Variants in SYNE1 observed in about 807,000 individuals in gnomAD.
The protein encoded by SYNE1 is spectrin repeat containing nuclear envelope protein 1.
SYNE1 carries 616 observed loss-of-function variants against 1,111.0 expected under a neutral mutation model. The observed-to-expected ratio is 0.55, with a 90% CI of 0.52 to 0.59. The LOEUF (loss-of-function observed/expected upper bound fraction) is 0.59. Among genes scored for constraint, SYNE1 ranks in the 20% least tolerant of loss-of-function variants. The pLI is 0.00. For missense variants in SYNE1, 10,006 were observed against 10,417.0 expected (o/e 0.96, Z 1.72); for synonymous variants, 3,855 against 3,825.8 (o/e 1.01, Z -0.28).
intron 39 of SYNE1, 87 bp from the exon 40 acceptor site, chr6:152,419,809 G>C: frequency 2.1e-6 from 3 of 1,423,180 alleles, no homozygotes; most frequent in Non-Finnish European, 2.0e-6. Context: ...GCTTACCCAA[G>C]GGCAAAAGCA....
chr6:152,221,131 G>A, intron 118 of SYNE1, 85 bp from the exon 119 acceptor site: 1 of 1,382,528 alleles, frequency 7.2e-7, no homozygotes, highest in Non-Finnish European at 1.0e-6. Flanking sequence ...CATGATCCTG[G>A]TTCATGTGAA....
intron 3 of SYNE1, among the ~76,000 whole-genome samples, chr6:152,605,035 AGGGAGGGAGGGAGG>A (rs1421624399): frequency 2.1e-4 from 6 of 28,130 alleles, no homozygotes; most frequent in South Asian, 2.5e-3. Flanking sequence ...AGAGAGAGAG[AGGGAGGGAGGGAGG>A]GAGGGAGGGA....
At chr6:152,561,824 C>T (rs2099396216) in intron 3 of SYNE1, among the ~76,000 whole-genome samples, 1 of 152,074 alleles carries the variant, frequency 6.6e-6, no homozygotes, top group Non-Finnish European at 1.5e-5. Context: ...ACTGTCCCTT[C>T]AGGAAATGGT....
At chr6:152,535,612 G>C (rs534057771) in intron 4 of SYNE1, among the ~76,000 whole-genome samples, 143 of 151,880 alleles carry the variant, frequency 9.4e-4, no homozygotes, top group Non-Finnish European at 1.8e-3. Flanking sequence ...TTGAATCAAG[G>C]GTGTTTAAAT....
chr6:152,315,626 T>C (rs961444169), intron 87 of SYNE1: 4 of 152,212 alleles, frequency 2.6e-5, no homozygotes, highest in African/African-American at 9.6e-5. Context: ...AGAAACAGTA[T>C]GAATGTGACA....
chr6:152,243,629 T>C (rs1588585793), intron 106 of SYNE1, among the ~76,000 whole-genome samples: 1 of 152,224 alleles, frequency 6.6e-6, no homozygotes, highest in Admixed American at 6.5e-5. Context: ...GGTGGGCTTA[T>C]GATATTATGA....
At chr6:152,346,730 A>G (rs1028027828) in intron 73 of SYNE1, among the ~76,000 whole-genome samples, 7 of 151,996 alleles carry the variant, frequency 4.6e-5, no homozygotes, top group African/African-American at 1.7e-4. Context: ...GAATGGCGTG[A>G]ACCTGGGAGG....
chr6:152,253,813 G>GATTGTT, intron 104 of SYNE1, among the ~76,000 whole-genome samples: 1 of 33,216 alleles, frequency 3.0e-5, no homozygotes, highest in Admixed American at 3.9e-4. Flanking sequence ...ATGTGTAGTG[G>GATTGTT]TTTGGTTTTT....
intron 2 of SYNE1, among the ~76,000 whole-genome samples, chr6:152,631,180 G>A (rs929583609): frequency 6.6e-6 from 1 of 152,208 alleles, no homozygotes; most frequent in Non-Finnish European, 1.5e-5. Context: ...GTTCTGGAAA[G>A]GTGTCCTTCT....
At chr6:152,196,378 AT>A (rs536567210) in intron 127 of SYNE1, among the ~76,000 whole-genome samples, 1 of 151,924 alleles carries the variant, frequency 6.6e-6, no homozygotes, top group Non-Finnish European at 1.5e-5. Flanking sequence ...GCAGCTGTGA[AT>A]GTGCTAGGTC....
chr6:152,149,489 C>T lies in SYNE1; in HGVS notation c.24630G>A (p.Leu8210=), dbSNP rs1563032770. The change falls in exon 136 of 146, where the codon CTG becomes CTA. Residue 8210 remains leucine, a synonymous_variant. Transcript: ENST00000367255. ...FGRVERYHKK[L]IRLPLPDDEH... is the part of the protein sequence containing the mutation. ...CAATGTTACATACAGGCAGGCGGAT[C>T]AGTTTCTTATGGTATCTTTCCACAC... is the stretch of plus-strand genomic sequence containing the variant. The T allele has an allele frequency of 2.3e-5, 37 of 1,614,164 alleles. No individual in the cohort carries two copies. The highest frequency in any genetic ancestry group is 3.1e-5 in the Non-Finnish European group (37 of 1,180,040).
In SYNE1 at chr6:152,336,933, G is replaced by A. The variant is rs777433973; in HGVS notation, c.12436C>T (p.Leu4146=). Residue 4146 remains leucine, a synonymous_variant, in exon 76 of 146, where the codon CTG becomes TTG. Coordinates refer to ENST00000367255, the MANE Select transcript of SYNE1 (RefSeq NM_182961.4). ...TGCAGTTGCTGATCAGCATCTTGCA[G>A]GTAAATCCAGAGCTCAGACTTCAGG... ...KHLKSELWIY[L]QDADQQLQNM... 6 of 1,614,034 alleles carry A rather than the reference G, an allele frequency of 3.7e-6. No individual in the cohort carries two copies. In the African/African-American group the frequency reaches 8.0e-5, roughly 22 times the overall value.
At chr6:152,158,897 A>T (rs79015447) in intron 131 of SYNE1, among the ~76,000 whole-genome samples, 1 of 152,204 alleles carries the variant, frequency 6.6e-6, no homozygotes, top group Non-Finnish European at 1.5e-5. Flanking sequence ...CTAAGATTTG[A>T]GGGGATTTAT....
At chr6:152,144,746 T>C (rs1268295426) in intron 137 of SYNE1, 2 of 152,714 alleles carry the variant, frequency 1.3e-5, no homozygotes, top group Non-Finnish European at 2.9e-5. Context: ...CGTGATTCAA[T>C]ATCATATCAC....
At chr6:152,590,477 C>A (rs915459635) in intron 3 of SYNE1, among the ~76,000 whole-genome samples, 1 of 151,226 alleles carries the variant, frequency 6.6e-6, no homozygotes, top group African/African-American at 2.4e-5. Context: ...TTATATTATT[C>A]TTATAATTAC....
Position 152,122,693 on chromosome 6 carries a change from C to T in SYNE1, c.26154-17G>A, listed in dbSNP as rs1252052808. On this transcript the variant is annotated splice_polypyrimidine_tract_variant and intron_variant, in intron 145 of 145. Coordinates refer to ENST00000367255, the MANE Select transcript of SYNE1 (RefSeq NM_182961.4). ...TTTGTGGACCTGAGAGAAGAATGGA[C>T]ATAAATTACTCAGATAACTCCAGTG... is the stretch of plus-strand genomic sequence containing the variant. The T allele has an allele frequency of 4.3e-6, 7 of 1,613,632 alleles. No individual in the cohort carries two copies. In the South Asian group the frequency reaches 4.4e-5, roughly 10 times the overall value.
intron 107 of SYNE1, among the ~76,000 whole-genome samples, chr6:152,241,500 CTGTG>C (rs1231628952): frequency 1.3e-5 from 1 of 74,174 alleles, no homozygotes; most frequent in Non-Finnish European, 2.4e-5. Flanking sequence ...AATGCAAGAG[CTGTG>C]TGTGTGTGTG....
intron 40 of SYNE1, among the ~76,000 whole-genome samples, chr6:152,418,274 A>C (rs532253303): frequency 6.6e-6 from 1 of 152,256 alleles, no homozygotes; most frequent in Admixed American, 6.5e-5. Flanking sequence ...CCTGGGAGCC[A>C]TCTCTTTGAA....
At chr6:152,325,837 T>A in intron 80 of SYNE1, 121 bp downstream of exon 80, 1 of 1,213,854 alleles carries the variant, frequency 8.2e-7, no homozygotes, top group South Asian at 1.4e-5. Context: ...AAAATGTTGT[T>A]AAATGCATCC....
Sources: gnomAD v4.1 joint callset for allele counts (sites outside exome capture counted in the v4.1 genomes callset) on GRCh38, gnomAD v4.1.1 for gene constraint, MANE v1.5 for transcripts, NCBI Gene and HGNC (gene_info 2026-07-23, HGNC 2026-07-21) for gene names.